The following ZNF483 variants were observed in gnomAD, a reference collection of about 807,000 sequenced individuals.
The protein encoded by ZNF483 is zinc finger protein HIT-10.
Under a neutral mutation model 28.6 loss-of-function variants are expected in ZNF483, and 9 were observed. That is an observed-to-expected ratio of 0.32 (90% CI 0.19 to 0.55). ZNF483 has a LOEUF of 0.55. Ranked by LOEUF, ZNF483 falls within the 20% of genes least tolerant of loss-of-function variation. ZNF483 has a pLI of 0.93. For missense variants in ZNF483, 675 were observed against 871.7 expected (o/e 0.77, Z 2.84); for synonymous variants, 322 against 306.2 (o/e 1.05, Z -0.54).
In ZNF483 at chr9:111,542,358, G is replaced by A; in HGVS notation, c.1423G>A (p.Ala475Thr). ...CTATATGTGTAATGAATGTGGAAAAGCTTTTAGTGATAGTTCATCGCTCAC... is the reference window on the plus strand; with the variant it reads ...CTATATGTGTAATGAATGTGGAAAAACTTTTAGTGATAGTTCATCGCTCAC... ...KPYMCNECGK[A>T]FSDSSSLTPH... Residue 475 changes from alanine (A) to threonine (T), a missense_variant, in exon 6 of 6, where the codon GCT (alanine) becomes ACT (threonine). Transcript: ENST00000309235. This position sits in a 1 kb window ranked among gnomAD's most constrained non-coding sequence, Gnocchi z 6.2. 1.2e-6 allele frequency: 2 copies of A among 1,613,660 alleles called. No homozygotes were observed. The highest frequency in any genetic ancestry group is 1.7e-6 in the Non-Finnish European group (2 of 1,179,906).
rs922741146 is a variant in ZNF483 at position 111,552,132 on chromosome 9, C to T, written c.*8962C>T. Among the ~76,000 whole-genome samples, 2 of 152,168 alleles carry T rather than the reference C, an allele frequency of 1.3e-5. No individual in the cohort carries two copies. Among genetic ancestry groups the T allele is most frequent in the African/African-American group, 4.8e-5 (2 of 41,452 alleles). ...TAGGGAGAAAATGTGAATCACAGTG[C>T]TACTTTTTGTCTTTGATTGAATATT... On this transcript the variant is annotated 3_prime_UTR_variant, in exon 6 of 6. Transcript: ENST00000309235.
chr9:111,551,932 A>G lies in ZNF483; in HGVS notation c.*8762A>G, dbSNP rs1827974076. The stretch of plus-strand genomic sequence containing the variant: ...TTTTGCTTATTTTTTGCAGCCATTT[A>G]TTACATTTAAAATTTTGTGCATATT... On this transcript the variant is annotated 3_prime_UTR_variant, in exon 6 of 6. Coordinates refer to ENST00000309235, the MANE Select transcript of ZNF483 (RefSeq NM_133464.5). Among the ~76,000 whole-genome samples the G allele has an allele frequency of 6.6e-6, 1 of 152,156 alleles. No individual in the cohort carries two copies. The highest frequency in any genetic ancestry group is 1.5e-5 in the Non-Finnish European group (1 of 68,024).
At chr9:111,555,533 T>A (rs754571136), downstream of ZNF483, among the ~76,000 whole-genome samples, 1 of 152,048 alleles carries the variant, frequency 6.6e-6, no homozygotes, top group Non-Finnish European at 1.5e-5. Flanking sequence ...ACTGGGTAAT[T>A]TATGAAGAAA....
At chr9:111,538,966 A>G (rs961015198) in intron 5 of ZNF483, among the ~76,000 whole-genome samples, 25 of 152,210 alleles carry the variant, frequency 1.6e-4, no homozygotes, top group African/African-American at 5.8e-4. Context: ...TGCAAAAATT[A>G]GCCAGGCGTG....
rs1827735372 is a variant in ZNF483, at chr9:111,543,783, T to G, written c.*613T>G. The G allele has an allele frequency of 1.1e-6, 1 of 949,032 alleles. No individual in the cohort carries two copies. The highest frequency in any genetic ancestry group is 1.8e-5 in the African/African-American group (1 of 56,502). The allele number at this position is 949,032 out of a possible 1,614,324, so 58.8% of individuals were successfully genotyped here. Reference sequence around the variant, plus strand: ...TTCTTTTCTTTTTTTTTTCTTTTTTTTTTTTCAATTTTTCTTTTTTGGGAT... The same window carrying G: ...TTCTTTTCTTTTTTTTTTCTTTTTTGTTTTTCAATTTTTCTTTTTTGGGAT... On this transcript the variant is annotated 3_prime_UTR_variant, in exon 6 of 6. Transcript: ENST00000309235.
At position 111,545,403 on chromosome 9, in the gene ZNF483, C is replaced by CT. The variant is rs969432501; in HGVS notation, c.*2242dup. ...ATCCATTGGGAATCTGGAGTATAAA[C>CT]TTTTTTTTTAAAGGAATTTATTGAG... On this transcript the variant is annotated 3_prime_UTR_variant, in exon 6 of 6. Coordinates refer to ENST00000309235, the MANE Select transcript of ZNF483 (RefSeq NM_133464.5). Among the ~76,000 whole-genome samples, 9 of 151,508 alleles carry CT rather than the reference C, an allele frequency of 5.9e-5. No homozygotes were observed. Among genetic ancestry groups the CT allele is most frequent in the African/African-American group, 1.7e-4 (7 of 41,260 alleles).
At chr9:111,559,427 C>T (rs1249729299), downstream of ZNF483, among the ~76,000 whole-genome samples, 1 of 152,016 alleles carries the variant, frequency 6.6e-6, no homozygotes, top group Non-Finnish European at 1.5e-5. Context: ...CTGCCCCTGC[C>T]CTACCCACAC....
intron 5 of ZNF483, among the ~76,000 whole-genome samples, chr9:111,570,926 C>T (rs1224752655): frequency 1.3e-5 from 2 of 152,034 alleles, no homozygotes; most frequent in African/African-American, 2.4e-5. Flanking sequence ...GTGATAGAAG[C>T]AGAGATGAGA....
At chr9:111,562,823 C>T in intron 5 of ZNF483, 1 of 537,006 alleles carries the variant, frequency 1.9e-6, no homozygotes, top group Non-Finnish European at 2.7e-6. Context: ...TGTTCAGCTC[C>T]CACTTATGAA....
rs916860456 is a variant in ZNF483, at chr9:111,551,131, TTTAC to T, written c.*7964_*7967del. Among the ~76,000 whole-genome samples the T allele has an allele frequency of 9.2e-5, 14 of 152,328 alleles. No individual in the cohort carries two copies. Among genetic ancestry groups the T allele is most frequent in the African/African-American group, 3.4e-4 (14 of 41,580 alleles). ...AAAACAGGTAAAATTAAAAATGTATTTTACTTCACCCAATATATCCATAATATTA... is the reference window on the plus strand; with the variant it reads ...AAAACAGGTAAAATTAAAAATGTATTTTCACCCAATATATCCATAATATTA... On this transcript the variant is annotated 3_prime_UTR_variant, in exon 6 of 6. Coordinates refer to ENST00000309235, the MANE Select transcript of ZNF483 (RefSeq NM_133464.5).
Position 111,543,845 on chromosome 9 carries a change from C to T in ZNF483, c.*675C>T, listed in dbSNP as rs926444421. On this transcript the variant is annotated 3_prime_UTR_variant, in exon 6 of 6. Transcript: ENST00000309235. Reference sequence around the variant, plus strand: ...ATGTTGCCCAGACTGGTCTTGAACTCCTGGGCTCAAGTGATCCTTCCATCT... The same window carrying T: ...ATGTTGCCCAGACTGGTCTTGAACTTCTGGGCTCAAGTGATCCTTCCATCT... The T allele has an allele frequency of 2.3e-5, 22 of 960,798 alleles. No individual in the cohort carries two copies. In the African/African-American group the frequency reaches 3.8e-4, roughly 17 times the overall value. 59.5% of individuals were successfully genotyped at this position (960,798 alleles called of 1,614,324 possible). A position where few individuals can be genotyped will look rare whatever the true frequency, so the allele number is the denominator to read the frequency against.
Position 111,542,714 on chromosome 9 carries a change from C to T in ZNF483, c.1779C>T (p.Cys593=). 1 of 1,613,694 alleles carries T rather than the reference C, an allele frequency of 6.2e-7. No individual in the cohort carries two copies. Among genetic ancestry groups the T allele is most frequent in the Non-Finnish European group, 8.5e-7 (1 of 1,179,882 alleles). The stretch of plus-strand genomic sequence containing the variant: ...GAAAAGCCTTTAGGCAGAATTCATG[C>T]CTTACCCGGCATCAGAGAATTCACA... The part of the protein sequence containing the change: ...ECGKAFRQNS[C]LTRHQRIHTG... Residue 593 remains cysteine (C), a synonymous_variant, in exon 6 of 6, where the codon TGC becomes TGT. Coordinates refer to ENST00000309235, the MANE Select transcript of ZNF483 (RefSeq NM_133464.5). The surrounding 1 kb of genome is among the most constrained non-coding windows in gnomAD (Gnocchi z 6.2).
At chr9:111,559,168 C>T (rs1275504311), downstream of ZNF483, among the ~76,000 whole-genome samples, 7 of 152,142 alleles carry the variant, frequency 4.6e-5, no homozygotes, top group Non-Finnish European at 8.8e-5. Flanking sequence ...TGGGATCCAA[C>T]CGCCCATACC....
At chr9:111,572,910 G>C (rs1197793383) in intron 5 of ZNF483, among the ~76,000 whole-genome samples, 1 of 152,076 alleles carries the variant, frequency 6.6e-6, no homozygotes, top group Non-Finnish European at 1.5e-5. Context: ...GTGTTGATGA[G>C]AATGTTGGTT....
intron 3 of ZNF483, among the ~76,000 whole-genome samples, chr9:111,533,100 C>T (rs756752483): frequency 1.3e-5 from 2 of 152,080 alleles, no homozygotes; most frequent in African/African-American, 2.4e-5. Context: ...ACAGTTATTA[C>T]CTGTAGTAAG....
Position 111,549,656 on chromosome 9 carries a change from G to GCA in ZNF483, c.*6487_*6488dup, listed in dbSNP as rs1403534137. On this transcript the variant is annotated 3_prime_UTR_variant, in exon 6 of 6. Transcript: ENST00000309235. Reference sequence around the variant, plus strand: ...AGCGGTCGTGGTGGTGGTGGCAGCGGCAGCAGGGTTCCCCATTGATTTTCT... The same window carrying GCA: ...AGCGGTCGTGGTGGTGGTGGCAGCGGCACAGCAGGGTTCCCCATTGATTTTCT... 1 of 1,395,068 alleles carries GCA rather than the reference G, an allele frequency of 7.2e-7. No homozygotes were observed. The highest frequency in any genetic ancestry group is 1.5e-5 in the African/African-American group (1 of 68,282). 86.4% of individuals were successfully genotyped at this position (1,395,068 alleles called of 1,614,324 possible). A position where few individuals can be genotyped will look rare whatever the true frequency, so the allele number is the denominator to read the frequency against.
At chr9:111,531,017 A>G in intron 3 of ZNF483, 54 bp downstream of exon 3, 1 of 858,366 alleles carries the variant, frequency 1.2e-6, no homozygotes. Flanking sequence ...TTGAGCTCCT[A>G]CTGAGTGGTA....
chr9:111,550,713 C>CTT lies in ZNF483; in HGVS notation c.*7543_*7544insTT. On this transcript the variant is annotated 3_prime_UTR_variant, in exon 6 of 6. Coordinates refer to ENST00000309235, the MANE Select transcript of ZNF483 (RefSeq NM_133464.5). ...TTGAAGATTTCTTCAACTTTATCTT[C>CTT]CAGCTCTACTATTAAATGTTGTGAA... is the stretch of plus-strand genomic sequence containing the variant. Among the ~76,000 whole-genome samples the CTT allele has an allele frequency of 6.6e-6, 1 of 152,308 alleles. No homozygotes were observed. Among genetic ancestry groups the CTT allele is most frequent in the South Asian group, 2.1e-4 (1 of 4,826 alleles).
chr9:111,567,516 C>T (rs183425192), intron 5 of ZNF483, among the ~76,000 whole-genome samples: 10 of 152,176 alleles, frequency 6.6e-5, no homozygotes, highest in Non-Finnish European at 8.8e-5. Context: ...GCTTGCAGGA[C>T]GTGAGAGAAT....
Sources: gnomAD v4.1 joint callset for allele counts (sites outside exome capture counted in the v4.1 genomes callset) on GRCh38, gnomAD v4.1.1 for gene constraint, Gnocchi (gnomAD v3.1) non-coding constraint, MANE v1.5 for transcripts, NCBI Gene and HGNC (gene_info 2026-07-23, HGNC 2026-07-21) for gene names.